Variants in DNAH9 observed in about 807,000 individuals in gnomAD.
DNAH9 encodes the protein dynein axonemal heavy chain 9, also known as DNAH9 variant protein.
A neutral mutation model predicts 471.6 loss-of-function variants in DNAH9; 345 were observed. That is an observed-to-expected ratio of 0.73 (90% CI 0.67 to 0.80). DNAH9 has a LOEUF of 0.80. Ranked by LOEUF, DNAH9 falls within the 30% of genes least tolerant of loss-of-function variation. The pLI, the probability that DNAH9 is intolerant of heterozygous loss-of-function variation, is 0.00. For synonymous variants in DNAH9, 2,093 were observed against 2,123.6 expected, an observed-to-expected ratio of 0.99 and a Z score of 0.40; for missense variants, 5,407 against 5,609.2, an observed-to-expected ratio of 0.96 and a Z score of 1.15.
At chr17:11,667,812 C>T (rs2073898953) in intron 15 of DNAH9, among the ~76,000 whole-genome samples, 1 of 152,218 alleles carries the variant, frequency 6.6e-6, no homozygotes, top group Admixed American at 6.5e-5. Context: ...CCACAAGTGG[C>T]ACCATCATGT....
chr17:11,742,004 C>A (rs1597577434), intron 29 of DNAH9, among the ~76,000 whole-genome samples, 171 bp from the exon 30 acceptor site: 1 of 152,206 alleles, frequency 6.6e-6, no homozygotes, highest in Admixed American at 6.5e-5. Context: ...TGCAGCAGCA[C>A]ATAGAATAAA....
At chr17:11,688,200 G>A (rs992521893) in intron 19 of DNAH9, among the ~76,000 whole-genome samples, 4 of 149,368 alleles carry the variant, frequency 2.7e-5, no homozygotes, top group Admixed American at 6.7e-5. Flanking sequence ...GCAGCCTAAA[G>A]TCTGTCCAGA....
At chr17:11,913,905 T>C (rs1973864205) in intron 61 of DNAH9, among the ~76,000 whole-genome samples, 1 of 152,230 alleles carries the variant, frequency 6.6e-6, no homozygotes, top group Admixed American at 6.5e-5. Context: ...GTGTCAGCTA[T>C]GTCTTTGTTT....
intron 17 of DNAH9, among the ~76,000 whole-genome samples, chr17:11,675,804 A>G (rs913613995): frequency 5.3e-5 from 8 of 152,180 alleles, no homozygotes; most frequent in Admixed American, 1.3e-4. Flanking sequence ...ATCTTTTTCA[A>G]TATACTCTCT....
rs1310746302 is a variant in DNAH9 at position 11,937,376 on chromosome 17, G to C, written c.12514G>C (p.Glu4172Gln). Reference protein sequence around the residue: ...HQYIDAELPPESPYLYGLHPN... With the variant: ...HQYIDAELPPQSPYLYGLHPN... The stretch of plus-strand genomic sequence containing the variant: ...GTACATCGATGCTGAGCTGCCCCCA[G>C]AATCCCCCTACCTCTATGGCCTCCA... The change falls in exon 66 of 69, where the codon GAA becomes CAA. Residue 4172 changes from glutamate to glutamine, a missense_variant. This residue lies in a region of DNAH9 where 4,636 missense variants were observed against 4,900.3 expected (regional missense o/e 0.95). Transcript: ENST00000262442. This position sits in a 1 kb window ranked among gnomAD's most constrained non-coding sequence, Gnocchi z 4.1. The C allele has an allele frequency of 6.2e-7, 1 of 1,611,422 alleles. No homozygotes were observed. The highest frequency in any genetic ancestry group is 8.5e-7 in the Non-Finnish European group (1 of 1,179,032).
intron 13 of DNAH9, 118 bp downstream of exon 13, chr17:11,651,442 C>A: frequency 9.2e-7 from 1 of 1,084,214 alleles, no homozygotes; most frequent in Non-Finnish European, 1.3e-6. Flanking sequence ...ATAAGTCTGT[C>A]TTCTCCTTTG....
Position 11,670,860 on chromosome 17 carries a change from C to A in DNAH9, c.3353+1066C>A, listed in dbSNP as rs887962593. 3.7e-4 allele frequency among the ~76,000 whole-genome samples: 57 copies of A among 152,260 alleles called. 1 individual carries two copies. The highest frequency in any genetic ancestry group is 3.4e-3 in the Middle Eastern group (1 of 294). Reference sequence around the variant, plus strand: ...CTGAGATTACAGGCATGTGCCACCACGCCTGGGTAATTTTGTACTTTTAGT... The same window carrying A: ...CTGAGATTACAGGCATGTGCCACCAAGCCTGGGTAATTTTGTACTTTTAGT... On this transcript the variant is annotated intron_variant, in intron 17 of 68. Transcript: ENST00000262442.
intron 27 of DNAH9, among the ~76,000 whole-genome samples, chr17:11,725,311 T>A (rs1567751593): frequency 6.6e-6 from 1 of 152,206 alleles, no homozygotes. Context: ...AGTCTCCATG[T>A]CACCCTCATT....
At position 11,834,894 on chromosome 17, in the gene DNAH9, A is replaced by T; in HGVS notation, c.9503A>T (p.Asn3168Ile). The T allele has an allele frequency of 1.2e-6, 2 of 1,612,502 alleles. No individual in the cohort carries two copies. The highest frequency in any genetic ancestry group is 1.7e-6 in the Non-Finnish European group (2 of 1,179,654). ...TAAQAALNTL[N>I]KTNLTELKSF... The stretch of plus-strand genomic sequence containing the variant: ...GCGCAGGCAGCTCTCAACACCCTGA[A>T]CAAGGTAGGAGGACTGTCTGCCATA... Residue 3168 changes from asparagine to isoleucine, a missense_variant, in exon 49 of 69, where the codon AAC becomes ATC. By Grantham distance (149) the Asn-to-Ile change is moderately radical (BLOSUM62 -3). Around this residue, in one of 3 missense-constraint regions of DNAH9, gnomAD observed 4,636 missense variants for 4,900.3 expected, o/e 0.95. Coordinates refer to ENST00000262442, the MANE Select transcript of DNAH9 (RefSeq NM_001372.4).
chr17:11,813,234 T>C (rs1349020357), intron 45 of DNAH9, among the ~76,000 whole-genome samples: 1 of 151,184 alleles, frequency 6.6e-6, no homozygotes. Flanking sequence ...ATATATTCTT[T>C]AAGGAAAAAA....
At chr17:11,918,766 A>G (rs1974038069) in intron 61 of DNAH9, among the ~76,000 whole-genome samples, 1 of 152,020 alleles carries the variant, frequency 6.6e-6, no homozygotes. Flanking sequence ...CACGCGGATC[A>G]CCTGAGGTCA....
chr17:11,960,189 A>G (rs923180046), intron 67 of DNAH9, among the ~76,000 whole-genome samples: 10 of 152,046 alleles, frequency 6.6e-5, no homozygotes, highest in African/African-American at 2.2e-4. Context: ...TAATCCCAGC[A>G]TTTTGGGAGG....
At chr17:11,839,070 C>T (rs998791287) in intron 49 of DNAH9, among the ~76,000 whole-genome samples, 1 of 152,076 alleles carries the variant, frequency 6.6e-6, no homozygotes, top group East Asian at 1.9e-4. Context: ...CTTTTTCTGC[C>T]TTCATTTAGG....
Position 11,824,121 on chromosome 17 carries a change from A to G in DNAH9, c.9246+1087A>G, listed in dbSNP as rs1970408767. Among the ~76,000 whole-genome samples the G allele has an allele frequency of 2.0e-5, 3 of 152,156 alleles. No individual in the cohort carries two copies. In the South Asian group the frequency reaches 6.2e-4, roughly 32 times the overall value. ...ACGCCCATCAAATACTGCCTCTTTG[A>G]TGACCCCTTTCTATTTTCTCTTCTC... On this transcript the variant is annotated intron_variant, in intron 48 of 68. Transcript: ENST00000262442.
At chr17:11,948,384 G>A (rs919058825) in intron 67 of DNAH9, among the ~76,000 whole-genome samples, 9 of 151,620 alleles carry the variant, frequency 5.9e-5, no homozygotes, top group South Asian at 2.1e-4. Flanking sequence ...GCCTGCCACC[G>A]TGCCCGGCTA....
intron 51 of DNAH9, among the ~76,000 whole-genome samples, chr17:11,870,698 T>G (rs2150985368): frequency 6.6e-6 from 1 of 152,282 alleles, no homozygotes; most frequent in East Asian, 1.9e-4. Context: ...ACCTCCCTGC[T>G]TGGTTTCTGA....
chr17:11,634,538 C>T (rs2073125772), intron 8 of DNAH9, among the ~76,000 whole-genome samples: 1 of 152,168 alleles, frequency 6.6e-6, no homozygotes, highest in Non-Finnish European at 1.5e-5. Context: ...TGTACTTCCT[C>T]AACAGAAGAT....
intron 19 of DNAH9, among the ~76,000 whole-genome samples, chr17:11,689,226 C>A (rs188882775): frequency 6.6e-6 from 1 of 152,238 alleles, no homozygotes; most frequent in Admixed American, 6.5e-5. Context: ...TCAGAACCAA[C>A]AGCTAGATGA....
intron 32 of DNAH9, among the ~76,000 whole-genome samples, chr17:11,749,942 A>G (rs995804419): frequency 3.3e-5 from 5 of 152,110 alleles, no homozygotes; most frequent in African/African-American, 1.2e-4. Context: ...TTGTAATTTT[A>G]TTGTCTTGTC....
Sources: allele counts gnomAD v4.1 joint callset (sites outside exome capture counted in the v4.1 genomes callset), GRCh38; gene constraint gnomAD v4.1.1; regional missense constraint gnomAD v4.1.1; non-coding constraint Gnocchi (gnomAD v3.1); transcripts MANE v1.5; gene names NCBI Gene and HGNC (gene_info 2026-07-23, HGNC 2026-07-21).